ZNF346: variants seen among roughly 807,000 people sequenced by gnomAD.
ZNF346 encodes the protein zinc finger protein 346.
Under a neutral mutation model 33.7 loss-of-function variants are expected in ZNF346, and 23 were observed. That is an observed-to-expected ratio of 0.68 (90% CI 0.49 to 0.97). The LOEUF (loss-of-function observed/expected upper bound fraction) is 0.97, where lower values mean the gene tolerates loss of function less well. Ranked by LOEUF, ZNF346 falls within the 50% of genes least tolerant of loss-of-function variation. The pLI, the probability that ZNF346 is intolerant of heterozygous loss-of-function variation, is 0.00. For missense variants in ZNF346, 340 were observed against 371.1 expected, an observed-to-expected ratio of 0.92 and a Z score of 0.69; for synonymous variants, 134 against 142.4, an observed-to-expected ratio of 0.94 and a Z score of 0.42.
chr5:177,024,093 TATA>T (rs1776337795), intron 1 of ZNF346, among the ~76,000 whole-genome samples: 1 of 147,650 alleles, frequency 6.8e-6, no homozygotes, highest in Admixed American at 6.8e-5. Flanking sequence ...AATGTATATA[TATA>T]ATATATACAC....
chr5:177,078,039 C>T (rs1208930582), intron 8 of ZNF346, among the ~76,000 whole-genome samples: 1 of 152,146 alleles, frequency 6.6e-6, no homozygotes, highest in South Asian at 2.1e-4. Flanking sequence ...CCCAGCTACT[C>T]GGGTGGCTGA....
intron 1 of ZNF346, among the ~76,000 whole-genome samples, chr5:177,038,455 C>T (rs1778866788): frequency 1.3e-5 from 2 of 150,882 alleles, no homozygotes; most frequent in African/African-American, 2.4e-5. Flanking sequence ...TCATTCTCTA[C>T]CCCGTACTCT....
rs141036976 is a variant in ZNF346, at chr5:177,033,433, T to A, written c.176-7693T>A. On this transcript the variant is annotated intron_variant, in intron 1 of 6. Coordinates refer to ENST00000358149, the MANE Select transcript of ZNF346 (RefSeq NM_012279.4). The stretch of plus-strand genomic sequence containing the variant: ...TAGCTATACCTAAAAACCCTTTGCC[T>A]CCTAATAAGCTGGGTAGTAAATAGG... Among the ~76,000 whole-genome samples, 454 of 152,322 alleles carry A rather than the reference T, an allele frequency of 3.0e-3. 1 individual carries two copies. The highest frequency in any genetic ancestry group is 0.01 in the African/African-American group (433 of 41,580).
chr5:177,047,800 C>G (rs1780296459), intron 4 of ZNF346, among the ~76,000 whole-genome samples: 1 of 152,106 alleles, frequency 6.6e-6, no homozygotes, highest in South Asian at 2.1e-4. Flanking sequence ...GCCACCGTGC[C>G]CTGCCTAATT....
In ZNF346 at chr5:177,067,682, C is replaced by G. The variant is rs1783293227; in HGVS notation, c.*3083C>G. On this transcript the variant is annotated 3_prime_UTR_variant, in exon 7 of 7. Coordinates refer to ENST00000358149, the MANE Select transcript of ZNF346 (RefSeq NM_012279.4). The stretch of plus-strand genomic sequence containing the variant: ...TAGGGGTTCACACACAGTCAAAGAT[C>G]ATGATGACAATGATAAGAATGCCCA... 6.6e-6 allele frequency among the ~76,000 whole-genome samples: 1 copy of G among 152,184 alleles called. No individual in the cohort carries two copies. The highest frequency in any genetic ancestry group is 6.5e-5 in the Admixed American group (1 of 15,270).
Position 177,041,179 on chromosome 5 carries a change from G to T in ZNF346, c.229G>T (p.Val77Phe), listed in dbSNP as rs1779291402. 2.5e-6 allele frequency: 4 copies of T among 1,614,170 alleles called. No homozygotes were observed. The highest frequency in any genetic ancestry group is 3.4e-6 in the Non-Finnish European group (4 of 1,180,028). Residue 77 changes from valine (V) to phenylalanine (F), a missense_variant, in exon 2 of 7, where the codon GTT (valine) becomes TTT (phenylalanine). Transcript: ENST00000358149. ...QCLFTNTQCK[V>F]CCALLISESQ... ...TCTCTTCACCAACACCCAGTGTAAG[G>T]TTTGCTGCGCCTTGCTTATTTCTGA...
At chr5:177,037,655 T>C (rs1264214769) in intron 1 of ZNF346, among the ~76,000 whole-genome samples, 1 of 152,194 alleles carries the variant, frequency 6.6e-6, no homozygotes, top group Non-Finnish European at 1.5e-5. Context: ...CCATCTCCAC[T>C]GACAACCTGC....
In ZNF346 at chr5:177,044,436, C is replaced by A; in HGVS notation, c.420C>A (p.Asn140Lys). 1 of 1,614,120 alleles carries A rather than the reference C, an allele frequency of 6.2e-7. No homozygotes were observed. The highest frequency in any genetic ancestry group is 8.5e-7 in the Non-Finnish European group (1 of 1,180,022). Residue 140 changes from asparagine (N) to lysine (K), a missense_variant, in exon 4 of 7, where the codon AAC (asparagine) becomes AAA (lysine). Coordinates refer to ENST00000358149, the MANE Select transcript of ZNF346 (RefSeq NM_012279.4). Reference sequence around the variant, plus strand: ...AGAACCAGTGCTGCCCCATCTGTAACATGACCTTTTCCTCCCCTGTCGTGG... The same window carrying A: ...AGAACCAGTGCTGCCCCATCTGTAAAATGACCTTTTCCTCCCCTGTCGTGG... ...KDKNQCCPIC[N>K]MTFSSPVVAQ...
intron 4 of ZNF346, among the ~76,000 whole-genome samples, chr5:177,049,022 A>G (rs141441990): frequency 4.1e-4 from 63 of 151,984 alleles, no homozygotes; most frequent in African/African-American, 1.5e-3. Flanking sequence ...CCTGAGTCAG[A>G]TTATCTGCCT....
At chr5:177,026,362 T>A (rs1776769818) in intron 1 of ZNF346, among the ~76,000 whole-genome samples, 1 of 143,266 alleles carries the variant, frequency 7.0e-6, no homozygotes, top group African/African-American at 2.6e-5. Flanking sequence ...ATTTTTTTTT[T>A]TTTTTTTTTT....
intron 2 of ZNF346, 93 bp from the exon 3 acceptor site, chr5:177,041,685 A>T: frequency 1.2e-6 from 1 of 809,104 alleles, no homozygotes; most frequent in East Asian, 2.7e-5. Flanking sequence ...TTTTGTGAGG[A>T]TGAATCAGAT....
chr5:177,056,885 G>A (rs1031308139), intron 5 of ZNF346, among the ~76,000 whole-genome samples: 37 of 152,032 alleles, frequency 2.4e-4, no homozygotes, highest in African/African-American at 8.7e-4. Context: ...TGCACGTTGT[G>A]CACATGTACC....
rs1783005410 is a variant in ZNF346 at position 177,064,869 on chromosome 5, C to G, written c.*270C>G. On this transcript the variant is annotated 3_prime_UTR_variant, in exon 7 of 7. Transcript: ENST00000358149. Reference sequence around the variant, plus strand: ...GTGGTAGTTTGGAGGGTGGCTTTCCCCATTTCCCAACCCCTCTGGGCCTTA... The same window carrying G: ...GTGGTAGTTTGGAGGGTGGCTTTCCGCATTTCCCAACCCCTCTGGGCCTTA... The G allele has an allele frequency of 4.4e-6, 2 of 452,120 alleles. No homozygotes were observed. Among genetic ancestry groups the G allele is most frequent in the African/African-American group, 2.0e-5 (1 of 50,964 alleles). The allele number at this position is 452,120 out of a possible 1,614,324, so 28.0% of individuals were successfully genotyped here.
chr5:177,049,245 A>C (rs967955326), intron 4 of ZNF346, among the ~76,000 whole-genome samples: 1 of 152,224 alleles, frequency 6.6e-6, no homozygotes, highest in East Asian at 1.9e-4. Context: ...ATTGTGGGAA[A>C]GGCCAGCAAA....
chr5:177,061,705 T>C (rs1296639275), intron 5 of ZNF346, among the ~76,000 whole-genome samples: 2 of 152,184 alleles, frequency 1.3e-5, no homozygotes, highest in Non-Finnish European at 2.9e-5. Context: ...CAGAGATCTC[T>C]CAGTGAAGGA....
chr5:177,024,419 A>T (rs1776460186), intron 1 of ZNF346, among the ~76,000 whole-genome samples: 1 of 151,918 alleles, frequency 6.6e-6, no homozygotes, highest in South Asian at 2.1e-4. Context: ...GCTGTTCTCG[A>T]ACTCCTGACC....
intron 1 of ZNF346, among the ~76,000 whole-genome samples, chr5:177,035,983 G>A (rs1778452401): frequency 6.6e-6 from 1 of 151,180 alleles, no homozygotes. Context: ...TCCCTCTGTG[G>A]GCCTTAGCTT....
At chr5:177,023,942 A>T (rs1305828089) in intron 1 of ZNF346, among the ~76,000 whole-genome samples, 1 of 151,452 alleles carries the variant, frequency 6.6e-6, no homozygotes, top group Non-Finnish European at 1.5e-5. Flanking sequence ...ACCCTGGTAT[A>T]TACTTCTCCA....
chr5:177,053,825 A>G lies in ZNF346; in HGVS notation c.703+2889A>G, dbSNP rs559460213. 1.6e-4 allele frequency among the ~76,000 whole-genome samples: 24 copies of G among 152,320 alleles called. No homozygotes were observed. In the South Asian group the frequency reaches 4.1e-3, roughly 26 times the overall value. ...GAATATACTAGTCCATGCCTAATCC[A>G]TAGGGGATACGTTTCAAAACCCCCC... On this transcript the variant is annotated intron_variant, in intron 5 of 6. Coordinates refer to ENST00000358149, the MANE Select transcript of ZNF346 (RefSeq NM_012279.4).
Sources: gnomAD v4.1 joint callset for allele counts (sites outside exome capture counted in the v4.1 genomes callset) on GRCh38, gnomAD v4.1.1 for gene constraint, MANE v1.5 for transcripts, NCBI Gene and HGNC (gene_info 2026-07-23, HGNC 2026-07-21) for gene names.